GAS2: variants seen among roughly 807,000 people sequenced by gnomAD.
The protein encoded by GAS2 is growth arrest-specific protein 2.
In GAS2, 20 loss-of-function variants were observed where a neutral mutation model predicts 37.5. That is an observed-to-expected ratio of 0.53 (90% CI 0.37 to 0.77). GAS2 has a LOEUF of 0.77. GAS2 is among the 30% of genes least tolerant of loss of function. GAS2 has a pLI of 0.00. For synonymous variants in GAS2, 144 were observed against 132.2 expected, an observed-to-expected ratio of 1.09 and a Z score of -0.61; for missense variants, 336 against 373.4, an observed-to-expected ratio of 0.90 and a Z score of 0.82.
chr11:22,748,959 G>A (rs893035317), intron 5 of GAS2, among the ~76,000 whole-genome samples, 161 bp from the exon 6 acceptor site: 1 of 152,022 alleles, frequency 6.6e-6, no homozygotes. Context: ...TGCTTAGAAG[G>A]ATGCTAATTC....
At chr11:22,743,037 G>A (rs1853177658) in intron 5 of GAS2, among the ~76,000 whole-genome samples, 1 of 151,996 alleles carries the variant, frequency 6.6e-6, no homozygotes, top group African/African-American at 2.4e-5. Flanking sequence ...AAATTTTATA[G>A]CTTCCTGGAA....
chr11:22,784,959 C>T (rs932190922), intron 7 of GAS2, among the ~76,000 whole-genome samples: 11 of 152,166 alleles, frequency 7.2e-5, no homozygotes, highest in Admixed American at 3.3e-4. Context: ...AAACCTGACA[C>T]AGGCAATCCT....
At chr11:22,635,065 A>G (rs1858803259) in intron 1 of GAS2, among the ~76,000 whole-genome samples, 1 of 152,204 alleles carries the variant, frequency 6.6e-6, no homozygotes, top group Non-Finnish European at 1.5e-5. Flanking sequence ...CGGTGCTTGC[A>G]AAAGAGTGTC....
chr11:22,688,835 C>T (rs1045143435), intron 3 of GAS2, among the ~76,000 whole-genome samples: 4 of 152,042 alleles, frequency 2.6e-5, no homozygotes, highest in African/African-American at 9.7e-5. Context: ...AAGTCACATG[C>T]ACCTGTATGT....
chr11:22,723,068 A>T (rs570344189), intron 3 of GAS2, among the ~76,000 whole-genome samples: 30 of 151,982 alleles, frequency 2.0e-4, no homozygotes, highest in African/African-American at 6.5e-4. Flanking sequence ...AGTGTGACTT[A>T]AAAAAATCCT....
At chr11:22,798,857 C>G in intron 7 of GAS2, among the ~76,000 whole-genome samples, 1 of 152,046 alleles carries the variant, frequency 6.6e-6, no homozygotes, top group Non-Finnish European at 1.5e-5. Flanking sequence ...CTCCATGTGT[C>G]AAGGTACCTC....
intron 6 of GAS2, among the ~76,000 whole-genome samples, chr11:22,749,773 A>C (rs1853630036): frequency 6.6e-6 from 1 of 151,804 alleles, no homozygotes; most frequent in Admixed American, 6.6e-5. Context: ...CTTAGATTCC[A>C]ACAAAAGTTT....
chr11:22,765,931 A>T (rs1854668648), intron 7 of GAS2, among the ~76,000 whole-genome samples: 1 of 152,218 alleles, frequency 6.6e-6, no homozygotes, highest in Non-Finnish European at 1.5e-5. Flanking sequence ...AAGAGGGAGC[A>T]GGTACTTCAC....
At chr11:22,730,527 C>A (rs1209330135) in intron 4 of GAS2, among the ~76,000 whole-genome samples, 1 of 151,738 alleles carries the variant, frequency 6.6e-6, no homozygotes, top group African/African-American at 2.4e-5. Flanking sequence ...CTGACCCCTG[C>A]TGTTCAAACC....
intron 5 of GAS2, 79 bp downstream of exon 5, chr11:22,737,847 A>G: frequency 7.9e-7 from 1 of 1,268,426 alleles, no homozygotes; most frequent in Non-Finnish European, 1.2e-6. Context: ...CTGGCTTTTC[A>G]TTGCTAATGT....
At chr11:22,726,743 A>G (rs1330767726) in intron 4 of GAS2, among the ~76,000 whole-genome samples, 1 of 152,080 alleles carries the variant, frequency 6.6e-6, no homozygotes, top group Non-Finnish European at 1.5e-5. Flanking sequence ...TATTTGGAAA[A>G]CAGAGGACCA....
At chr11:22,773,177 C>T (rs759187998) in intron 7 of GAS2, among the ~76,000 whole-genome samples, 14 of 152,044 alleles carry the variant, frequency 9.2e-5, no homozygotes, top group Non-Finnish European at 1.5e-4. Flanking sequence ...TCTGTGGTCG[C>T]GGTTCATTTT....
At chr11:22,801,450 G>GTTT (rs59435678) in intron 7 of GAS2, among the ~76,000 whole-genome samples, 1 of 147,744 alleles carries the variant, frequency 6.8e-6, no homozygotes, top group African/African-American at 2.5e-5. Context: ...GCATGGGATA[G>GTTT]TTTTTTTTTT....
chr11:22,757,777 T>A (rs1854130113), intron 7 of GAS2, among the ~76,000 whole-genome samples: 1 of 152,248 alleles, frequency 6.6e-6, no homozygotes, highest in Middle Eastern at 3.4e-3. Flanking sequence ...AAACTATTTG[T>A]CAAAAAAGGA....
chr11:22,742,564 C>G (rs1315055263), intron 5 of GAS2, among the ~76,000 whole-genome samples: 1 of 152,034 alleles, frequency 6.6e-6, no homozygotes, highest in African/African-American at 2.4e-5. Flanking sequence ...GCTGACTGTA[C>G]CTTAGGCAGT....
chr11:22,787,169 A>C (rs1855856344), intron 7 of GAS2, among the ~76,000 whole-genome samples: 1 of 152,180 alleles, frequency 6.6e-6, no homozygotes, highest in African/African-American at 2.4e-5. Flanking sequence ...TCCTGCTCTC[A>C]AAAAGCTCCC....
At chr11:22,785,853 A>G (rs1389573881) in intron 7 of GAS2, among the ~76,000 whole-genome samples, 1 of 60,620 alleles carries the variant, frequency 1.6e-5, no homozygotes, top group Non-Finnish European at 3.9e-5. Flanking sequence ...GGGAACTGGC[A>G]TTATAATTCT....
intron 3 of GAS2, among the ~76,000 whole-genome samples, chr11:22,695,635 C>A (rs1850465197): frequency 1.3e-5 from 2 of 152,122 alleles, no homozygotes; most frequent in African/African-American, 4.8e-5. Context: ...ATAGCAAATG[C>A]AAGTCATATT....
intron 2 of GAS2, among the ~76,000 whole-genome samples, chr11:22,676,140 A>C (rs1849417221): frequency 6.6e-6 from 1 of 152,148 alleles, no homozygotes; most frequent in African/African-American, 2.4e-5. Flanking sequence ...TGTACCCTTC[A>C]CCAACAGATA....
Sources: allele counts gnomAD v4.1 joint callset (sites outside exome capture counted in the v4.1 genomes callset), GRCh38; gene constraint gnomAD v4.1.1; transcripts MANE v1.5; gene names NCBI Gene and HGNC (gene_info 2026-07-23, HGNC 2026-07-21).